Variants in C10orf67 observed in about 807,000 individuals in gnomAD.
C10orf67 encodes uncharacterized protein C10orf67, mitochondrial.
Under a neutral mutation model 35.6 loss-of-function variants are expected in C10orf67, and 60 were observed. The observed-to-expected ratio is 1.68, with a 90% confidence interval of 1.37 to 2.09. The LOEUF (loss-of-function observed/expected upper bound fraction) is 2.09, where lower values mean the gene tolerates loss of function less well. Among genes scored for constraint, C10orf67 ranks in the 30% most tolerant of loss-of-function variants. The pLI is 0.00. For missense variants in C10orf67, 474 were observed against 330.2 expected (o/e 1.44, Z -3.38); for synonymous variants, 167 against 115.8 (o/e 1.44, Z -2.84).
At chr10:23,319,616 T>G (rs2132333956) in intron 4 of C10orf67, among the ~76,000 whole-genome samples, 1 of 152,320 alleles carries the variant, frequency 6.6e-6, no homozygotes, top group East Asian at 1.9e-4. Flanking sequence ...TAATTTACAT[T>G]CCCATCAGCA....
At chr10:23,257,827 G>T (rs1415479284) in intron 10 of C10orf67, among the ~76,000 whole-genome samples, 1 of 151,382 alleles carries the variant, frequency 6.6e-6, no homozygotes, top group Non-Finnish European at 1.5e-5. Flanking sequence ...AAAGACTGTG[G>T]TCTAGTAGAG....
intron 10 of C10orf67, among the ~76,000 whole-genome samples, chr10:23,263,040 A>G (rs1017059486): frequency 1.3e-5 from 2 of 152,206 alleles, no homozygotes; most frequent in African/African-American, 4.8e-5. Flanking sequence ...ATCCTTTGAC[A>G]ACCTCTGAAG....
intron 15 of C10orf67, among the ~76,000 whole-genome samples, chr10:23,215,768 A>C (rs1288923890): frequency 6.6e-6 from 1 of 152,174 alleles, no homozygotes; most frequent in Non-Finnish European, 1.5e-5. Context: ...TATCAACACA[A>C]AAGTTAAGAA....
At chr10:23,307,687 C>T (rs1381842774) in intron 4 of C10orf67, among the ~76,000 whole-genome samples, 4 of 150,666 alleles carry the variant, frequency 2.7e-5, no homozygotes, top group African/African-American at 4.9e-5. Flanking sequence ...TCACTGCAAC[C>T]TCCGCTTTCT....
chr10:23,342,312 C>T (rs932478646), intron 1 of C10orf67, among the ~76,000 whole-genome samples: 3 of 152,104 alleles, frequency 2.0e-5, no homozygotes, highest in African/African-American at 7.2e-5. Context: ...TAACCACTAT[C>T]TAACTTATTA....
intron 10 of C10orf67, among the ~76,000 whole-genome samples, chr10:23,256,641 T>A (rs987851562): frequency 6.6e-6 from 1 of 151,606 alleles, no homozygotes; most frequent in African/African-American, 2.4e-5. Flanking sequence ...CTGAAGTAGC[T>A]GGGGACACAT....
chr10:23,294,432 T>G (rs1165537189), intron 5 of C10orf67, among the ~76,000 whole-genome samples: 2 of 151,536 alleles, frequency 1.3e-5, no homozygotes, highest in Non-Finnish European at 2.9e-5. Context: ...TACAGAGACA[T>G]AAAGGCTAAC....
chr10:23,276,140 T>G (rs540310451), intron 8 of C10orf67, among the ~76,000 whole-genome samples: 2 of 152,292 alleles, frequency 1.3e-5, no homozygotes, highest in East Asian at 3.9e-4. Flanking sequence ...CAGGATGAGA[T>G]AGTCACCCTA....
rs116846325 is a variant in C10orf67 at position 23,259,604 on chromosome 10, C to A, written c.1200+6658G>T. ...GATGACCCATATTTTGGAACTATGACTTTGAAAGACTTTGAAAGAACTATA... is the reference window on the plus strand; with the variant it reads ...GATGACCCATATTTTGGAACTATGAATTTGAAAGACTTTGAAAGAACTATA... On this transcript the variant is annotated intron_variant, in intron 10 of 15. Coordinates refer to ENST00000636213, the MANE Select transcript of C10orf67 (RefSeq NM_001371909.1). Among the ~76,000 whole-genome samples, 446 of 152,164 alleles carry A rather than the reference C, an allele frequency of 2.9e-3. 8 individuals are homozygous for A. The East Asian group carries it at 0.043, about 15-fold the overall frequency.
intron 5 of C10orf67, among the ~76,000 whole-genome samples, chr10:23,294,303 G>C (rs1272232162): frequency 2.6e-5 from 4 of 152,004 alleles, no homozygotes; most frequent in African/African-American, 7.2e-5. Flanking sequence ...TCAGTGTTGG[G>C]ATAAGAAAAA....
chr10:23,337,317 T>G (rs982185961), intron 1 of C10orf67, among the ~76,000 whole-genome samples: 7 of 152,204 alleles, frequency 4.6e-5, no homozygotes, highest in Non-Finnish European at 7.3e-5. Context: ...GTGGGTCACT[T>G]GAGCTTAGGA....
chr10:23,249,131 CAAAAAA>C (rs57702096), intron 12 of C10orf67, among the ~76,000 whole-genome samples: 1 of 21,548 alleles, frequency 4.6e-5, no homozygotes, highest in Non-Finnish European at 9.8e-5. Flanking sequence ...AACTCCCTCT[CAAAAAA>C]AAAAAAAAAA....
At chr10:23,322,663 C>G (rs1845005688) in intron 2 of C10orf67, 126 bp from the exon 3 acceptor site, 1 of 605,720 alleles carries the variant, frequency 1.7e-6, no homozygotes, top group African/African-American at 1.9e-5. Flanking sequence ...GGGAGCAACA[C>G]ACACTGGGGC....
rs192713602 is a variant in C10orf67, at chr10:23,217,351, G to A, written c.1570+6247C>T. Among the ~76,000 whole-genome samples, 4 of 152,230 alleles carry A rather than the reference G, an allele frequency of 2.6e-5. No homozygotes were observed. In the East Asian group the frequency reaches 7.7e-4, roughly 29 times the overall value. On this transcript the variant is annotated intron_variant, in intron 15 of 15. Transcript: ENST00000636213. The stretch of plus-strand genomic sequence containing the variant: ...TAATATGGTACCTTTCATATACAAG[G>A]ATGTCATGTCAAACTCAGTTAAGGG...
chr10:23,261,103 T>C (rs891707714), intron 10 of C10orf67, among the ~76,000 whole-genome samples: 1 of 152,206 alleles, frequency 6.6e-6, no homozygotes, highest in Non-Finnish European at 1.5e-5. Context: ...TTGGATTAAC[T>C]GGACTCTACA....
rs989555514 is a variant in C10orf67, at chr10:23,290,100, T to C, written c.851-142A>G. The C allele has an allele frequency of 1.2e-5, 7 of 583,422 alleles. No homozygotes were observed. In the East Asian group the frequency reaches 2.0e-4, roughly 17 times the overall value. 36.1% of individuals were successfully genotyped at this position (583,422 alleles called of 1,614,324 possible). A position where few individuals can be genotyped will look rare whatever the true frequency, so the allele number is the denominator to read the frequency against. On this transcript the variant is annotated intron_variant, in intron 6 of 15. Transcript: ENST00000636213. ...CTAGCAGGACTGTGACCTTCACAACTGCCCTTGACATTCGCAGCCTTCTTC... is the reference window on the plus strand; with the variant it reads ...CTAGCAGGACTGTGACCTTCACAACCGCCCTTGACATTCGCAGCCTTCTTC...
intron 13 of C10orf67, among the ~76,000 whole-genome samples, chr10:23,233,086 G>C (rs1044798325): frequency 5.9e-5 from 9 of 152,102 alleles, no homozygotes; most frequent in African/African-American, 2.2e-4. Context: ...GAGCTCAGAG[G>C]TTTGATGTTA....
chr10:23,208,407 T>A (rs1841215138), intron 15 of C10orf67, among the ~76,000 whole-genome samples: 1 of 152,186 alleles, frequency 6.6e-6, no homozygotes. Context: ...ATGGGAAAAG[T>A]GGTTATTAAT....
At chr10:23,308,723 G>C (rs1366522206) in intron 4 of C10orf67, among the ~76,000 whole-genome samples, 1 of 152,128 alleles carries the variant, frequency 6.6e-6, no homozygotes, top group African/African-American at 2.4e-5. Flanking sequence ...TAAACCCCGA[G>C]TGTCTCAGTG....
Sources: allele counts gnomAD v4.1 joint callset (sites outside exome capture counted in the v4.1 genomes callset), GRCh38; gene constraint gnomAD v4.1.1; transcripts MANE v1.5; gene names NCBI Gene and HGNC (gene_info 2026-07-23, HGNC 2026-07-21).